The following FDPS variants were observed in gnomAD, a reference collection of about 807,000 sequenced individuals.
The protein encoded by FDPS is farnesyl pyrophosphate synthase.
Under a neutral mutation model 49.5 loss-of-function variants are expected in FDPS, and 29 were observed. That is an observed-to-expected ratio of 0.59 (90% CI 0.44 to 0.80). FDPS has a LOEUF of 0.80. Among genes scored for constraint, FDPS ranks in the 30% least tolerant of loss-of-function variants. The probability of loss-of-function intolerance (pLI) is 0.00; values close to 1 mark genes in which losing one functional copy is unlikely to be tolerated. For missense variants in FDPS, 414 were observed against 525.6 expected, an observed-to-expected ratio of 0.79 and a Z score of 2.08; for synonymous variants, 172 against 206.4, an observed-to-expected ratio of 0.83 and a Z score of 1.43.
intron 4 of FDPS, among the ~76,000 whole-genome samples, chr1:155,314,663 A>G (rs986590622): frequency 2.0e-5 from 3 of 151,614 alleles, no homozygotes. Context: ...TTTGGTAGAG[A>G]TGGAGTGTCA....
chr1:155,320,501 G>A lies in FDPS; in HGVS notation c.1152G>A (p.Glu384=). The A allele has an allele frequency of 3.1e-6, 5 of 1,614,088 alleles. No individual in the cohort carries two copies. The highest frequency in any genetic ancestry group is 4.2e-6 in the Non-Finnish European group (5 of 1,180,032). ...LDLPAVFLQY[E]EDSYSHIMAL... is the part of the protein sequence containing the mutation. ...TGCCAGCAGTGTTCTTGCAATATGA[G>A]GAAGACAGTTACAGCCACATTATGG... Residue 384 remains glutamate, a synonymous_variant, in exon 11 of 11, where the codon GAG becomes GAA. Transcript: ENST00000368356.
At position 155,318,104 on chromosome 1, in the gene FDPS, G is replaced by T; in HGVS notation, c.562-65G>T. 5 of 1,613,314 alleles carry T rather than the reference G, an allele frequency of 3.1e-6. No homozygotes were observed. Among genetic ancestry groups the T allele is most frequent in the South Asian group, 1.1e-5 (1 of 91,038 alleles). ...TATATGGCCTGGTTGAGGTGTTGGG[G>T]TGATGGCTCTTAGTATGAACCGAGA... On this transcript the variant is annotated intron_variant, in intron 5 of 10. Coordinates refer to ENST00000368356, the MANE Select transcript of FDPS (RefSeq NM_002004.4). This position sits in a 1 kb window ranked among gnomAD's most constrained non-coding sequence, Gnocchi z 4.2.
chr1:155,309,167 C>T (rs528642232), intron 1 of FDPS: 2 of 152,648 alleles, frequency 1.3e-5, no homozygotes, highest in East Asian at 1.9e-4. Context: ...TATGCCCGGA[C>T]CCCGGTTTAC....
intron 8 of FDPS, among the ~76,000 whole-genome samples, chr1:155,319,173 T>C (rs931917455): frequency 2.6e-5 from 4 of 152,186 alleles, no homozygotes; most frequent in Non-Finnish European, 5.9e-5. Context: ...ATATCCTGTA[T>C]CTGAGTATGG....
rs117937238 is a variant in FDPS at position 155,311,435 on chromosome 1, C to T, written c.340-820C>T. Among the ~76,000 whole-genome samples the T allele has an allele frequency of 1.2e-4, 19 of 152,278 alleles. No individual in the cohort carries two copies. The East Asian group carries it at 3.1e-3, about 25-fold the overall frequency. ...GAGGAGTGGGAGATGGATCCCACAG[C>T]GTGGGTCCCCTGTAAGCTGTCTTCT... On this transcript the variant is annotated intron_variant, in intron 3 of 10. Coordinates refer to ENST00000368356, the MANE Select transcript of FDPS (RefSeq NM_002004.4).
rs747735139 is a variant in FDPS at position 155,318,228 on chromosome 1, C to T, written c.621C>T (p.Arg207=). 2 of 1,614,024 alleles carry T rather than the reference C, an allele frequency of 1.2e-6. No homozygotes were observed. The highest frequency in any genetic ancestry group is 1.7e-6 in the Non-Finnish European group (2 of 1,180,018). Residue 207 remains arginine (R), a synonymous_variant, in exon 6 of 11, where the codon CGC becomes CGT. Coordinates refer to ENST00000368356, the MANE Select transcript of FDPS (RefSeq NM_002004.4). This position sits in a 1 kb window ranked among gnomAD's most constrained non-coding sequence, Gnocchi z 4.2. The part of the protein sequence containing the change: ...DANLLEACIY[R]LLKLYCREQP... Reference sequence around the variant, plus strand: ...ACCTCCTGGAAGCATGTATCTACCGCCTGCTGAAGCTCTATTGCCGGGAGC... The same window carrying T: ...ACCTCCTGGAAGCATGTATCTACCGTCTGCTGAAGCTCTATTGCCGGGAGC...
At position 155,309,880 on chromosome 1, in the gene FDPS, C is replaced by T. The variant is rs371777771; in HGVS notation, c.91C>T (p.Arg31Trp). The change falls in exon 2 of 11, where the codon CGG becomes TGG. Residue 31 changes from arginine to tryptophan, a missense_variant. By Grantham distance (101) the Arg-to-Trp change is moderately radical. Transcript: ENST00000368356. ...APRERWLGSL[R>W]RPSLVHGYPV... ...CCGGGAGAGGTGGCTGGGTTCCCTACGGCGGCCCTCCCTGGTGCACGGGTA... is the reference window on the plus strand; with the variant it reads ...CCGGGAGAGGTGGCTGGGTTCCCTATGGCGGCCCTCCCTGGTGCACGGGTA... 27 of 1,590,720 alleles carry T rather than the reference C, an allele frequency of 1.7e-5. No individual in the cohort carries two copies. The African/African-American group carries it at 2.5e-4, about 15-fold the overall frequency.
At chr1:155,310,373 T>C (rs11264358) in intron 3 of FDPS, 168 bp downstream of exon 3, 172,357 of 602,654 alleles carry the variant, frequency 0.29, 29,028 homozygotes, top group East Asian at 0.72. Flanking sequence ...TGCGATGGTG[T>C]GATCTCGGCT....
At position 155,318,054 on chromosome 1, in the gene FDPS, G is replaced by C; in HGVS notation, c.561+33G>C. Reference sequence around the variant, plus strand: ...GGGCAGGAAAATAGCAGTGGGTATGGGGACAGGCCACAGGGAGGTGGTTAT... The same window carrying C: ...GGGCAGGAAAATAGCAGTGGGTATGCGGACAGGCCACAGGGAGGTGGTTAT... On this transcript the variant is annotated intron_variant, in intron 5 of 10. Transcript: ENST00000368356. This position sits in a 1 kb window ranked among gnomAD's most constrained non-coding sequence, Gnocchi z 4.2. 6.2e-7 allele frequency: 1 copy of C among 1,612,464 alleles called. No individual in the cohort carries two copies. The highest frequency in any genetic ancestry group is 8.5e-7 in the Non-Finnish European group (1 of 1,178,472).
chr1:155,314,497 CAA>C (rs1649116454), intron 4 of FDPS, among the ~76,000 whole-genome samples: 1 of 151,126 alleles, frequency 6.6e-6, no homozygotes, highest in South Asian at 2.1e-4. Context: ...TTTTTAGAGA[CAA>C]AGCCTCATTC....
At position 155,312,403 on chromosome 1, in the gene FDPS, G is replaced by A. The variant is rs1482944662; in HGVS notation, c.480+8G>A. On this transcript the variant is annotated splice_region_variant and intron_variant, in intron 4 of 10. Transcript: ENST00000368356. ...GGCTGGTGTGTGGAACTGGTGAGAGGGGTAGGGCAAGGGAGAAGAAGTTTC... is the reference window on the plus strand; with the variant it reads ...GGCTGGTGTGTGGAACTGGTGAGAGAGGTAGGGCAAGGGAGAAGAAGTTTC... 6.2e-7 allele frequency: 1 copy of A among 1,613,388 alleles called. No homozygotes were observed. The highest frequency in any genetic ancestry group is 8.5e-7 in the Non-Finnish European group (1 of 1,179,616).
intron 4 of FDPS, among the ~76,000 whole-genome samples, chr1:155,313,723 G>A (rs1366468267): frequency 6.6e-6 from 1 of 152,130 alleles, no homozygotes; most frequent in African/African-American, 2.4e-5. Flanking sequence ...GACAGGCAAG[G>A]AAGGAAGGGA....
In FDPS at chr1:155,317,955, C is replaced by T. The variant is rs1406577406; in HGVS notation, c.495C>T (p.Phe165=). 1 of 1,612,818 alleles carries T rather than the reference C, an allele frequency of 6.2e-7. No individual in the cohort carries two copies. The highest frequency in any genetic ancestry group is 1.1e-5 in the South Asian group (1 of 91,022). The change falls in exon 5 of 11, where the codon TTC becomes TTT. Residue 165 remains phenylalanine, a synonymous_variant. Coordinates refer to ENST00000368356, the MANE Select transcript of FDPS (RefSeq NM_002004.4). ...ACTCTTTCTAGCTGCAAGCTTTCTT[C>T]CTGGTGGCAGATGACATCATGGATT... ...GWCVELLQAF[F]LVADDIMDSS...
At position 155,309,825 on chromosome 1, in the gene FDPS, C is replaced by A; in HGVS notation, c.36C>A (p.Val12=). 6.3e-7 allele frequency: 1 copy of A among 1,575,346 alleles called. No homozygotes were observed. Among genetic ancestry groups the A allele is most frequent in the Non-Finnish European group, 8.6e-7 (1 of 1,156,804 alleles). The stretch of plus-strand genomic sequence containing the variant: ...CCCGCTGGTTGAGATCTGTGGGGGT[C>A]TTCCTGCTGCCAGCCCCCTACTGGG... ...PLSRWLRSVG[V]FLLPAPYWAP... The change falls in exon 2 of 11, where the codon GTC becomes GTA. Residue 12 remains valine (V), a synonymous_variant. Coordinates refer to ENST00000368356, the MANE Select transcript of FDPS (RefSeq NM_002004.4).
chr1:155,312,470 C>G, intron 4 of FDPS, 75 bp downstream of exon 4: 1 of 1,470,392 alleles, frequency 6.8e-7, no homozygotes, highest in East Asian at 2.3e-5. Flanking sequence ...AGGGATGGGC[C>G]TGAAACTTAT....
chr1:155,309,941 GC>G lies in FDPS; in HGVS notation c.154del (p.Gln52LysfsTer16), dbSNP rs1324722479. The G allele has an allele frequency of 6.2e-7, 1 of 1,605,626 alleles. No homozygotes were observed. Among genetic ancestry groups the G allele is most frequent in the East Asian group, 2.2e-5 (1 of 44,668 alleles). On this transcript the variant is annotated frameshift_variant, in exon 2 of 11. Coordinates refer to ENST00000368356, the MANE Select transcript of FDPS (RefSeq NM_002004.4). LOFTEE classifies it high-confidence loss of function. ...GCCTGGCACAGTGCCCGCTGCTGGT[GC>G]CAAGCGTGGACAGAGGAACCTCGGT... is the stretch of plus-strand genomic sequence containing the variant. ...VLAWHSARCW[C>X]QAWTEEPRAL...
chr1:155,311,692 G>A (rs963294073), intron 3 of FDPS, among the ~76,000 whole-genome samples: 2 of 152,148 alleles, frequency 1.3e-5, no homozygotes, highest in Non-Finnish European at 2.9e-5. Context: ...GGGTTTGGGA[G>A]CAGCATTTAA....
chr1:155,318,546 T>G lies in FDPS; in HGVS notation c.685-119T>G. On this transcript the variant is annotated intron_variant, in intron 6 of 10. Transcript: ENST00000368356. The surrounding 1 kb of genome is among the most constrained non-coding windows in gnomAD (Gnocchi z 4.2). ...CCTTAAGTTTTGGGGCTTTCTCCCC[T>G]TCTGTTGCCTTTCTGATTCTGCCCA... 1.1e-6 allele frequency: 1 copy of G among 888,854 alleles called. No individual in the cohort carries two copies. The highest frequency in any genetic ancestry group is 1.4e-5 in the South Asian group (1 of 70,252). The allele number at this position is 888,854 out of a possible 1,614,324, so 55.1% of individuals were successfully genotyped here. A position where few individuals can be genotyped will look rare whatever the true frequency, so the allele number is the denominator to read the frequency against.
chr1:155,318,584 T>A lies in FDPS; in HGVS notation c.685-81T>A. ...CTGATTCTGCCCAGTTGTCAGCTGG[T>A]ATGGGATGTTGGGCTTGGGATACCA... is the stretch of plus-strand genomic sequence containing the variant. On this transcript the variant is annotated intron_variant, in intron 6 of 10. Transcript: ENST00000368356. This position sits in a 1 kb window ranked among gnomAD's most constrained non-coding sequence, Gnocchi z 4.2. 9.0e-7 allele frequency: 1 copy of A among 1,114,956 alleles called. No homozygotes were observed. The highest frequency in any genetic ancestry group is 1.4e-6 in the Non-Finnish European group (1 of 732,868). 69.1% of individuals were successfully genotyped at this position (1,114,956 alleles called of 1,614,324 possible). A position where few individuals can be genotyped will look rare whatever the true frequency, so the allele number is the denominator to read the frequency against.
Sources: gnomAD v4.1 joint callset for allele counts (sites outside exome capture counted in the v4.1 genomes callset) on GRCh38, gnomAD v4.1.1 for gene constraint, Gnocchi (gnomAD v3.1) non-coding constraint, MANE v1.5 for transcripts, NCBI Gene and HGNC (gene_info 2026-07-23, HGNC 2026-07-21) for gene names.